ACTN1: variants seen among roughly 807,000 people sequenced by gnomAD.
ACTN1 encodes actinin alpha 1.
In ACTN1, 30 loss-of-function variants were observed where a neutral mutation model predicts 119.6. The ratio of observed to expected loss-of-function variants is 0.25; its 90% CI spans 0.19 to 0.34. The LOEUF (loss-of-function observed/expected upper bound fraction) is 0.34. Among genes scored for constraint, ACTN1 ranks in the 10% least tolerant of loss-of-function variants. The pLI, the probability that ACTN1 is intolerant of heterozygous loss-of-function variation, is 1.00. For synonymous variants in ACTN1, 429 were observed against 472.6 expected (o/e 0.91, Z 1.20); for missense variants, 764 against 1,223.4 (o/e 0.62, Z 5.60).
Position 68,979,251 on chromosome 14 carries a change from C to A in ACTN1, c.-195G>T. ...TGGCGGCGACAGCGGCGGCTGGGCT[C>A]GCGGACTGCCTGCCTCTGGGCGGGC... is the stretch of plus-strand genomic sequence containing the variant. On this transcript the variant is annotated 5_prime_UTR_variant, in exon 1 of 22. Coordinates refer to ENST00000394419, the MANE Select transcript of ACTN1 (RefSeq NM_001130004.2). The A allele has an allele frequency of 2.5e-6, 1 of 405,258 alleles. No homozygotes were observed. The allele number at this position is 405,258 out of a possible 1,614,324, so 25.1% of individuals were successfully genotyped here.
At position 68,885,493 on chromosome 14, in the gene ACTN1, G is replaced by A; in HGVS notation, c.1317C>T (p.Ala439=). 1 of 1,614,084 alleles carries A rather than the reference G, an allele frequency of 6.2e-7. No homozygotes were observed. The highest frequency in any genetic ancestry group is 8.5e-7 in the Non-Finnish European group (1 of 1,180,014). The part of the protein sequence containing the change: ...EIKALLKKHE[A]FESDLAAHQD... ...GGTGGGCAGCCAGGTCACTCTCGAA[G>A]GCCTCATGCTTCTTGAGCAGGGCCT... Residue 439 remains alanine, a synonymous_variant, in exon 12 of 22, where the codon GCC becomes GCT. Transcript: ENST00000394419. The surrounding 1 kb of genome is among the most constrained non-coding windows in gnomAD (Gnocchi z 5.6).
chr14:68,979,257 C>G lies in ACTN1; in HGVS notation c.-201G>C. ...CGACAGCGGCGGCTGGGCTCGCGGA[C>G]TGCCTGCCTCTGGGCGGGCGCTTGG... On this transcript the variant is annotated 5_prime_UTR_variant, in exon 1 of 22. Transcript: ENST00000394419. The G allele has an allele frequency of 2.5e-6, 1 of 400,946 alleles. No individual in the cohort carries two copies. Among genetic ancestry groups the G allele is most frequent in the South Asian group, 3.9e-5 (1 of 25,552 alleles). The allele number at this position is 400,946 out of a possible 1,614,324, so 24.8% of individuals were successfully genotyped here.
intron 1 of ACTN1, among the ~76,000 whole-genome samples, chr14:68,929,771 G>A (rs894570368): frequency 2.0e-5 from 3 of 152,170 alleles, no homozygotes; most frequent in Non-Finnish European, 4.4e-5. Context: ...ACCCGGGACA[G>A]AGGGAGGGGC....
chr14:68,884,955 CTG>C, intron 12 of ACTN1, 72 bp from the exon 13 acceptor site: 4 of 1,310,144 alleles, frequency 3.1e-6, no homozygotes, highest in Middle Eastern at 1.8e-4. Context: ...CTCTCTGAGG[CTG>C]TCAGTGGGGT....
intron 6 of ACTN1, 87 bp from the exon 7 acceptor site, chr14:68,904,823 G>A: frequency 8.8e-7 from 1 of 1,140,408 alleles, no homozygotes; most frequent in Non-Finnish European, 1.3e-6. Context: ...ACCCAAACTG[G>A]GGAGCAGAGC....
intron 1 of ACTN1, chr14:68,978,639 C>T (rs1236365258): frequency 2.0e-5 from 6 of 293,422 alleles, no homozygotes; most frequent in African/African-American, 1.4e-4. Flanking sequence ...CCCCCGAGCA[C>T]AGCCCACGCG....
chr14:68,946,503 G>C (rs982947119), intron 1 of ACTN1, among the ~76,000 whole-genome samples: 6 of 152,190 alleles, frequency 3.9e-5, no homozygotes, highest in Non-Finnish European at 8.8e-5. Context: ...GAAGAGGGGA[G>C]AAGTGGCAGA....
chr14:68,916,549 C>T (rs975355149), intron 3 of ACTN1, among the ~76,000 whole-genome samples: 2 of 152,146 alleles, frequency 1.3e-5, no homozygotes, highest in African/African-American at 2.4e-5. Context: ...AGCCCCAGTT[C>T]CCACCTGACT....
chr14:68,958,338 C>G (rs142680503), intron 1 of ACTN1, among the ~76,000 whole-genome samples: 38 of 152,096 alleles, frequency 2.5e-4, no homozygotes, highest in Non-Finnish European at 5.0e-4. Context: ...GGGGACTGTC[C>G]GAGGCTCAAA....
chr14:68,977,541 T>C (rs1038843578), intron 1 of ACTN1: 1 of 203,118 alleles, frequency 4.9e-6, no homozygotes, highest in Admixed American at 5.6e-5. Context: ...TCATCCTGCT[T>C]TGAGGAAGCC....
chr14:68,930,070 T>C (rs995140045), intron 1 of ACTN1, among the ~76,000 whole-genome samples: 1 of 152,242 alleles, frequency 6.6e-6, no homozygotes, highest in African/African-American at 2.4e-5. Context: ...TCTTTCACAA[T>C]TATCATGTGA....
chr14:68,974,208 G>A (rs10137547), intron 1 of ACTN1: 28,083 of 152,648 alleles, frequency 0.18, 2,766 homozygotes, highest in Non-Finnish European at 0.22. Context: ...TGAGAATCTG[G>A]TCTGTGACCT....
intron 20 of ACTN1, chr14:68,877,460 C>A (rs2031035818): frequency 1.7e-5 from 9 of 538,846 alleles, no homozygotes; most frequent in Non-Finnish European, 3.0e-5. Flanking sequence ...GCCTGAGTTC[C>A]TCTTAGAGCA....
rs1297801830 is a variant in ACTN1 at position 68,925,776 on chromosome 14, A to G, written c.106-104T>C. The G allele has an allele frequency of 1.2e-6, 1 of 807,578 alleles. No individual in the cohort carries two copies. The highest frequency in any genetic ancestry group is 2.4e-5 in the Admixed American group (1 of 41,472). 50.0% of individuals were successfully genotyped at this position (807,578 alleles called of 1,614,324 possible). On this transcript the variant is annotated intron_variant, in intron 1 of 21. Transcript: ENST00000394419. The surrounding 1 kb of genome is among the most constrained non-coding windows in gnomAD (Gnocchi z 4.3). The stretch of plus-strand genomic sequence containing the variant: ...GGGGGTGGGAGGTGGACACCTACTC[A>G]GCAGAGCCTCTCAACACAGTTGCCC...
intron 1 of ACTN1, among the ~76,000 whole-genome samples, chr14:68,959,643 T>C (rs1442233119): frequency 6.6e-6 from 1 of 152,116 alleles, no homozygotes; most frequent in Non-Finnish European, 1.5e-5. Context: ...ATAATCTAAC[T>C]TGTACATGGA....
At chr14:68,940,049 C>T (rs958572632) in intron 1 of ACTN1, among the ~76,000 whole-genome samples, 2 of 152,198 alleles carry the variant, frequency 1.3e-5, no homozygotes, top group East Asian at 1.9e-4. Flanking sequence ...GAGTGGCACC[C>T]GCTCCGGGAG....
intron 3 of ACTN1, among the ~76,000 whole-genome samples, chr14:68,918,184 A>G (rs748486444): frequency 1.4e-4 from 22 of 152,262 alleles, no homozygotes; most frequent in Non-Finnish European, 2.6e-4. Context: ...CAGCAGCAGC[A>G]GTGAGATGAG....
intron 4 of ACTN1, 73 bp from the exon 5 acceptor site, chr14:68,910,115 G>A (rs949578637): frequency 1.5e-6 from 2 of 1,295,484 alleles, no homozygotes; most frequent in African/African-American, 1.5e-5. Flanking sequence ...CTCACAGGAG[G>A]CCCCACTGTG....
At position 68,979,146 on chromosome 14, in the gene ACTN1, T is replaced by TGGGCG. The variant is rs2037178267; in HGVS notation, c.-91_-90insCGCCC. 12 of 412,004 alleles carry TGGGCG rather than the reference T, an allele frequency of 2.9e-5. No homozygotes were observed. The highest frequency in any genetic ancestry group is 1.3e-4 in the East Asian group (1 of 7,502). 25.5% of individuals were successfully genotyped at this position (412,004 alleles called of 1,614,324 possible). ...CCCTGGCGTGGGGAGGGAGTAGGGC[T>TGGGCG]GGGCTGGGCTGGGCTGGCGGGGCCG... On this transcript the variant is annotated 5_prime_UTR_variant, in exon 1 of 22. Transcript: ENST00000394419.
Sources: allele counts gnomAD v4.1 joint callset (sites outside exome capture counted in the v4.1 genomes callset), GRCh38; gene constraint gnomAD v4.1.1; non-coding constraint Gnocchi (gnomAD v3.1); transcripts MANE v1.5; gene names NCBI Gene and HGNC (gene_info 2026-07-23, HGNC 2026-07-21).